Variants in PCOLCE2 observed in about 807,000 individuals in gnomAD.
PCOLCE2 encodes the protein procollagen C-proteinase enhancer 2.
A neutral mutation model predicts 47.0 loss-of-function variants in PCOLCE2; 42 were observed. That is an observed-to-expected ratio of 0.89 (90% CI 0.70 to 1.16). The LOEUF is 1.16. Among genes scored for constraint, PCOLCE2 ranks in the 50% most tolerant of loss-of-function variants. PCOLCE2 has a pLI of 0.00. For missense variants in PCOLCE2, 500 were observed against 526.1 expected (o/e 0.95, Z 0.49); for synonymous variants, 169 against 191.7 (o/e 0.88, Z 0.98).
Position 142,863,688 on chromosome 3 carries a change from G to A in PCOLCE2, c.193-15216C>T, listed in dbSNP as rs74772993. Among the ~76,000 whole-genome samples the A allele has an allele frequency of 8.5e-3, 1,292 of 152,286 alleles. 18 individuals carry two copies. Among genetic ancestry groups the A allele is most frequent in the African/African-American group, 0.029 (1,193 of 41,540 alleles). On this transcript the variant is annotated intron_variant, in intron 2 of 8. Transcript: ENST00000295992. ...CACATCCTTGGGATGGTGGTTAGGT[G>A]CATCAACAGAGGAGGCACTTTCATT...
In PCOLCE2 at chr3:142,818,074, G is replaced by A. The variant is rs563246277; in HGVS notation, c.*261C>T. 6.0e-6 allele frequency: 2 copies of A among 332,214 alleles called. No individual in the cohort carries two copies. Among genetic ancestry groups the A allele is most frequent in the South Asian group, 1.2e-4 (2 of 17,358 alleles). The allele number at this position is 332,214 out of a possible 1,614,324, so 20.6% of individuals were successfully genotyped here. On this transcript the variant is annotated 3_prime_UTR_variant, in exon 9 of 9. Coordinates refer to ENST00000295992, the MANE Select transcript of PCOLCE2 (RefSeq NM_013363.4). ...AAATAAACGCTTCCAAGCTGTCAAC[G>A]CTTGACACTTTTAGCTTCCTATCAC...
chr3:142,837,550 T>C lies in PCOLCE2; in HGVS notation c.710+1220A>G, dbSNP rs369823819. Reference sequence around the variant, plus strand: ...ATATAAAATCAAGTGATGCATATAATCTAATTACGTTTAAGCAACAGAGTA... The same window carrying C: ...ATATAAAATCAAGTGATGCATATAACCTAATTACGTTTAAGCAACAGAGTA... On this transcript the variant is annotated intron_variant, in intron 5 of 8. Transcript: ENST00000295992. Among the ~76,000 whole-genome samples, 7 of 152,338 alleles carry C rather than the reference T, an allele frequency of 4.6e-5. No individual in the cohort carries two copies. In the East Asian group the frequency reaches 7.7e-4, roughly 17 times the overall value.
chr3:142,848,414 T>C lies in PCOLCE2; in HGVS notation c.251A>G (p.Asn84Ser). 2.5e-6 allele frequency: 4 copies of C among 1,612,964 alleles called. No individual in the cohort carries two copies. The highest frequency in any genetic ancestry group is 3.4e-6 in the Non-Finnish European group (4 of 1,178,906). The change falls in exon 3 of 9, where the codon AAC becomes AGC. Residue 84 changes from asparagine (N) to serine (S), a missense_variant. Coordinates refer to ENST00000295992, the MANE Select transcript of PCOLCE2 (RefSeq NM_013363.4). ...NFRFIDLESDNLCRYDFVDVY... is the reference protein window; with the variant it reads ...NFRFIDLESDSLCRYDFVDVY... Reference sequence around the variant, plus strand: ...ATCCACAAAGTCATAGCGGCACAGGTTGTCACTCTCGAGGTCTATGAATCG... The same window carrying C: ...ATCCACAAAGTCATAGCGGCACAGGCTGTCACTCTCGAGGTCTATGAATCG...
At position 142,822,835 on chromosome 3, in the gene PCOLCE2, T is replaced by A. The variant is rs147222719; in HGVS notation, c.949+697A>T. On this transcript the variant is annotated intron_variant, in intron 7 of 8. Transcript: ENST00000295992. Reference sequence around the variant, plus strand: ...GCAGAGCCTCTCTGGGGAAGTTTTGTTTGGGGAAATGTATTTAGGCCATAG... The same window carrying A: ...GCAGAGCCTCTCTGGGGAAGTTTTGATTGGGGAAATGTATTTAGGCCATAG... Among the ~76,000 whole-genome samples, 17 of 152,278 alleles carry A rather than the reference T, an allele frequency of 1.1e-4. No homozygotes were observed. The East Asian group carries it at 3.1e-3, about 28-fold the overall frequency.
Position 142,879,779 on chromosome 3 carries a change from CT to C in PCOLCE2, c.192+7889del, listed in dbSNP as rs1240157749. On this transcript the variant is annotated intron_variant, in intron 2 of 8. Coordinates refer to ENST00000295992, the MANE Select transcript of PCOLCE2 (RefSeq NM_013363.4). ...GGTCAGGAGATCGAGACCATCCTGG[CT>C]AACACGGTGAAACCCCGCCTCTACT... Among the ~76,000 whole-genome samples the C allele has an allele frequency of 2.0e-5, 3 of 151,888 alleles. No homozygotes were observed. The East Asian group carries it at 5.8e-4, about 29-fold the overall frequency.
intron 2 of PCOLCE2, among the ~76,000 whole-genome samples, chr3:142,876,253 A>G (rs1286661550): frequency 1.3e-5 from 2 of 152,222 alleles, no homozygotes; most frequent in Non-Finnish European, 2.9e-5. Context: ...TTCAATAAGT[A>G]TAATATTTCA....
chr3:142,870,339 T>C (rs1933364826), intron 2 of PCOLCE2, among the ~76,000 whole-genome samples: 1 of 152,216 alleles, frequency 6.6e-6, no homozygotes, highest in South Asian at 2.1e-4. Context: ...TGTTTAAATT[T>C]GGGCAAAAGC....
chr3:142,829,231 T>A (rs1578030463), intron 6 of PCOLCE2, among the ~76,000 whole-genome samples: 1 of 45,112 alleles, frequency 2.2e-5, no homozygotes, highest in Non-Finnish European at 5.2e-5. Context: ...GATTTGAAAA[T>A]AAATAAATAA....
At chr3:142,828,605 T>A (rs1578030232) in intron 6 of PCOLCE2, among the ~76,000 whole-genome samples, 1 of 152,010 alleles carries the variant, frequency 6.6e-6, no homozygotes. Context: ...GGAAAATAGG[T>A]GGAGAAGTAG....
chr3:142,859,268 G>C (rs909409102), intron 2 of PCOLCE2, among the ~76,000 whole-genome samples: 10 of 151,784 alleles, frequency 6.6e-5, no homozygotes, highest in Non-Finnish European at 1.2e-4. Context: ...TCACCATATT[G>C]GTCAGGCTGG....
At chr3:142,835,678 T>C (rs1295320925) in intron 5 of PCOLCE2, among the ~76,000 whole-genome samples, 3 of 152,238 alleles carry the variant, frequency 2.0e-5, no homozygotes, top group Non-Finnish European at 4.4e-5. Flanking sequence ...GGTCTTGCTC[T>C]GTCACCCAGG....
intron 2 of PCOLCE2, among the ~76,000 whole-genome samples, chr3:142,850,547 C>A (rs1937378410): frequency 6.6e-6 from 1 of 152,104 alleles, no homozygotes. Flanking sequence ...GTCTGGAAGC[C>A]AGGCGAAGAG....
chr3:142,821,380 T>C (rs1937012818), intron 7 of PCOLCE2, among the ~76,000 whole-genome samples: 1 of 152,202 alleles, frequency 6.6e-6, no homozygotes, highest in Non-Finnish European at 1.5e-5. Context: ...TATGAGGCTC[T>C]ACCTGTGAAT....
chr3:142,877,089 G>A (rs1019216390), intron 2 of PCOLCE2, among the ~76,000 whole-genome samples: 2 of 152,104 alleles, frequency 1.3e-5, no homozygotes, highest in African/African-American at 4.8e-5. Flanking sequence ...GTAATTAGTG[G>A]GGCCTATTCT....
intron 1 of PCOLCE2, among the ~76,000 whole-genome samples, 200 bp from the exon 2 acceptor site, chr3:142,887,977 G>A (rs1482425738): frequency 2.6e-5 from 4 of 152,256 alleles, no homozygotes; most frequent in Non-Finnish European, 2.9e-5. Flanking sequence ...TCAGTCCAGC[G>A]CCATCTGTCT....
intron 1 of PCOLCE2, among the ~76,000 whole-genome samples, chr3:142,888,017 G>A (rs1419675702): frequency 6.6e-6 from 1 of 152,176 alleles, no homozygotes; most frequent in Non-Finnish European, 1.5e-5. Flanking sequence ...TTATATATAT[G>A]TATAATCAAG....
At position 142,820,995 on chromosome 3, in the gene PCOLCE2, C is replaced by T. The variant is rs770152757; in HGVS notation, c.1000G>A (p.Ala334Thr). 34 of 1,613,622 alleles carry T rather than the reference C, an allele frequency of 2.1e-5. No individual in the cohort carries two copies. The highest frequency in any genetic ancestry group is 1.6e-4 in the Middle Eastern group (1 of 6,084). Residue 334 changes from alanine to threonine, a missense_variant, in exon 8 of 9, where the codon GCC becomes ACC. By Grantham distance (58) the Ala-to-Thr change is moderately conservative. Coordinates refer to ENST00000295992, the MANE Select transcript of PCOLCE2 (RefSeq NM_013363.4). The part of the protein sequence containing the change: ...TTITRDGSLH[A>T]TVSIINIYKE... ...TAGATGTTGATGATCGAGACTGTGG[C>T]GTGCAAACTCCCATCGCGAGTGATG...
Position 142,818,382 on chromosome 3 carries a change from T to C in PCOLCE2, c.1201A>G (p.Thr401Ala). The part of the protein sequence containing the change: ...MPNSFIMMFK[T>A]KNQKLLDALK... ...GCATCCAGGAGCTTCTGATTCTTGG[T>C]CTTGAACATCATGATAAAGCTGTTT... The change falls in exon 9 of 9, where the codon ACC becomes GCC. Residue 401 changes from threonine (T) to alanine (A), a missense_variant. By Grantham distance (58) the Thr-to-Ala change is moderately conservative. Transcript: ENST00000295992. The C allele has an allele frequency of 6.2e-7, 1 of 1,613,574 alleles. No individual in the cohort carries two copies.
intron 2 of PCOLCE2, chr3:142,863,806 C>T (rs1430467715): frequency 1.3e-5 from 2 of 152,100 alleles, no homozygotes; most frequent in East Asian, 3.9e-4. Flanking sequence ...TTAGACTCCA[C>T]CAAACACAAA....
Sources: allele counts gnomAD v4.1 joint callset (sites outside exome capture counted in the v4.1 genomes callset), GRCh38; gene constraint gnomAD v4.1.1; transcripts MANE v1.5; gene names NCBI Gene and HGNC (gene_info 2026-07-23, HGNC 2026-07-21).